CNTN5: variants seen among roughly 807,000 people sequenced by gnomAD.
CNTN5 encodes the protein contactin 5, also known as contactin-5.
A neutral mutation model predicts 129.1 loss-of-function variants in CNTN5; 77 were observed. The ratio of observed to expected loss-of-function variants is 0.60; its 90% confidence interval spans 0.50 to 0.72. The LOEUF is 0.72. CNTN5 is among the 30% of genes least tolerant of loss of function. The pLI, the probability that CNTN5 is intolerant of heterozygous loss-of-function variation, is 0.00. For missense variants in CNTN5, 1,478 were observed against 1,328.8 expected (o/e 1.11, Z -1.75); for synonymous variants, 509 against 465.6 (o/e 1.09, Z -1.20).
chr11:99,647,629 A>G (rs1220189230), intron 3 of CNTN5, among the ~76,000 whole-genome samples: 3 of 151,962 alleles, frequency 2.0e-5, no homozygotes, highest in African/African-American at 7.2e-5. Context: ...TTTGCATAGT[A>G]TGAACATTTT....
At chr11:99,122,416 G>A (rs975018554) in intron 1 of CNTN5, among the ~76,000 whole-genome samples, 9 of 152,020 alleles carry the variant, frequency 5.9e-5, no homozygotes, top group Non-Finnish European at 1.2e-4. Context: ...AATAAGTGAT[G>A]TATAGAAACA....
chr11:100,063,930 C>T (rs1943591357), intron 10 of CNTN5, among the ~76,000 whole-genome samples: 1 of 151,946 alleles, frequency 6.6e-6, no homozygotes, highest in Non-Finnish European at 1.5e-5. Flanking sequence ...ATGTATTCAT[C>T]CAACTTTTGT....
At chr11:99,610,211 C>A (rs1950553683) in intron 3 of CNTN5, among the ~76,000 whole-genome samples, 1 of 152,008 alleles carries the variant, frequency 6.6e-6, no homozygotes, top group Non-Finnish European at 1.5e-5. Context: ...CCCTTTTTCC[C>A]AACTAACTCT....
chr11:99,878,530 G>T (rs1226268459), intron 6 of CNTN5, among the ~76,000 whole-genome samples: 1 of 152,154 alleles, frequency 6.6e-6, no homozygotes, highest in Non-Finnish European at 1.5e-5. Flanking sequence ...ACTCTAAGAA[G>T]CAAAGCCTTT....
At chr11:100,336,466 A>G (rs536536825) in intron 21 of CNTN5, among the ~76,000 whole-genome samples, 3 of 152,358 alleles carry the variant, frequency 2.0e-5, no homozygotes, top group Non-Finnish European at 4.4e-5. Context: ...CATAAAAAGT[A>G]TAATTATTTT....
intron 19 of CNTN5, 127 bp from the exon 20 acceptor site, chr11:100,299,035 T>C (rs376563756): frequency 3.4e-6 from 2 of 590,488 alleles, no homozygotes; most frequent in South Asian, 2.6e-5. Flanking sequence ...TGGCTTCCAA[T>C]GTAGTATAAA....
At chr11:99,961,404 A>G (rs1950944002) in intron 8 of CNTN5, among the ~76,000 whole-genome samples, 1 of 152,116 alleles carries the variant, frequency 6.6e-6, no homozygotes, top group Non-Finnish European at 1.5e-5. Context: ...AGCATCACCA[A>G]GTGAGACATT....
intron 2 of CNTN5, among the ~76,000 whole-genome samples, chr11:99,520,110 C>T (rs1177162683): frequency 1.3e-5 from 2 of 152,008 alleles, no homozygotes; most frequent in Non-Finnish European, 2.9e-5. Flanking sequence ...GAATTCAATA[C>T]AACCAGAAAG....
intron 1 of CNTN5, among the ~76,000 whole-genome samples, chr11:99,143,622 G>A (rs999172973): frequency 3.3e-5 from 5 of 151,908 alleles, no homozygotes; most frequent in African/African-American, 1.2e-4. Flanking sequence ...CAAGAGGCAA[G>A]CTGTACATGG....
intron 1 of CNTN5, among the ~76,000 whole-genome samples, chr11:99,238,288 C>A (rs1861379097): frequency 6.6e-6 from 1 of 152,064 alleles, no homozygotes; most frequent in Non-Finnish European, 1.5e-5. Flanking sequence ...TAATAAGACA[C>A]TTTAGAAAGT....
In CNTN5 at chr11:100,181,375, A is replaced by T. The variant is rs76246221; in HGVS notation, c.1581-9751A>T. On this transcript the variant is annotated intron_variant, in intron 13 of 24. Transcript: ENST00000524871. ...TTGAAATGGAAAAATAATATTATAAATGGAGAGAAATTAGCAGTTGCCAGG... is the reference window on the plus strand; with the variant it reads ...TTGAAATGGAAAAATAATATTATAATTGGAGAGAAATTAGCAGTTGCCAGG... Among the ~76,000 whole-genome samples the T allele has an allele frequency of 7.2e-3, 1,102 of 152,110 alleles. 9 individuals carry two copies. Among genetic ancestry groups the T allele is most frequent in the African/African-American group, 0.025 (1,032 of 41,548 alleles).
chr11:100,099,832 A>G (rs756187940), intron 13 of CNTN5, among the ~76,000 whole-genome samples: 12 of 152,020 alleles, frequency 7.9e-5, no homozygotes, highest in Non-Finnish European at 1.6e-4. Context: ...GTTACGTGTT[A>G]TCTCATTACA....
intron 2 of CNTN5, among the ~76,000 whole-genome samples, chr11:99,518,682 A>G (rs896483643): frequency 4.6e-5 from 7 of 152,236 alleles, no homozygotes; most frequent in Middle Eastern, 3.4e-3. Flanking sequence ...GTTTCTTATT[A>G]AGATAAATGA....
intron 2 of CNTN5, among the ~76,000 whole-genome samples, chr11:99,349,311 T>C (rs1045296056): frequency 6.6e-6 from 1 of 152,136 alleles, no homozygotes; most frequent in Non-Finnish European, 1.5e-5. Context: ...ATGCTATAAA[T>C]TTTTTTCCTG....
chr11:99,037,283 A>T (rs746028671), intron 1 of CNTN5, among the ~76,000 whole-genome samples: 1 of 152,184 alleles, frequency 6.6e-6, no homozygotes, highest in East Asian at 1.9e-4. Flanking sequence ...TGATGGGATA[A>T]TCTTTCAGAG....
intron 2 of CNTN5, among the ~76,000 whole-genome samples, chr11:99,382,844 A>ATT (rs774797660): frequency 1.2e-4 from 8 of 69,420 alleles, no homozygotes; most frequent in South Asian, 6.5e-4. Context: ...TCTCTAAATA[A>ATT]CTTTTTTTTT....
intron 1 of CNTN5, among the ~76,000 whole-genome samples, chr11:99,250,019 T>C (rs1862020399): frequency 6.6e-6 from 1 of 151,970 alleles, no homozygotes; most frequent in African/African-American, 2.4e-5. Context: ...TAGGGAATTT[T>C]GGGGTGAGAG....
chr11:99,957,108 T>A, intron 8 of CNTN5, 99 bp downstream of exon 8: 2 of 1,071,098 alleles, frequency 1.9e-6, no homozygotes, highest in Non-Finnish European at 2.7e-6. Context: ...AACTTACAAA[T>A]AAAATAAAAA....
At chr11:99,871,919 A>T (rs1333018886) in intron 6 of CNTN5, among the ~76,000 whole-genome samples, 1 of 151,314 alleles carries the variant, frequency 6.6e-6, no homozygotes, top group Non-Finnish European at 1.5e-5. Flanking sequence ...TTCTTTATAT[A>T]TTTATATATA....
Sources: allele counts gnomAD v4.1 joint callset (sites outside exome capture counted in the v4.1 genomes callset), GRCh38; gene constraint gnomAD v4.1.1; transcripts MANE v1.5; gene names NCBI Gene and HGNC (gene_info 2026-07-23, HGNC 2026-07-21).